Variants in FAM135B observed in about 807,000 individuals in gnomAD.
FAM135B encodes protein FAM135B.
A neutral mutation model predicts 127.7 loss-of-function variants in FAM135B; 43 were observed. The observed-to-expected ratio is 0.34, with a 90% CI of 0.26 to 0.43. The LOEUF is 0.43. Ranked by LOEUF, FAM135B falls within the 20% of genes least tolerant of loss-of-function variation. The pLI, the probability that FAM135B is intolerant of heterozygous loss-of-function variation, is 1.00. For synonymous variants in FAM135B, 670 were observed against 665.1 expected (o/e 1.01, Z -0.11); for missense variants, 1,558 against 1,725.6 (o/e 0.90, Z 1.72).
intron 2 of FAM135B, among the ~76,000 whole-genome samples, chr8:138,347,082 T>C (rs1829468087): frequency 6.7e-6 from 1 of 150,344 alleles, no homozygotes; most frequent in African/African-American, 2.5e-5. Context: ...AAAGGAAGAA[T>C]GAATGGAGGA....
chr8:138,425,547 A>AT (rs11423579), intron 1 of FAM135B: 152,279 of 152,280 alleles, frequency 1, 76,139 homozygotes, highest in Non-Finnish European at 1. Flanking sequence ...TATAGTGGCC[A>AT]TCCAGAATCC....
At chr8:138,244,551 A>G (rs568599478) in intron 6 of FAM135B, among the ~76,000 whole-genome samples, 65 of 152,250 alleles carry the variant, frequency 4.3e-4, no homozygotes, top group Non-Finnish European at 8.5e-4. Flanking sequence ...CAAGGCTTCC[A>G]TCAATGCTAG....
At chr8:138,417,405 T>C (rs865943064) in intron 1 of FAM135B, among the ~76,000 whole-genome samples, 1 of 152,270 alleles carries the variant, frequency 6.6e-6, no homozygotes, top group East Asian at 1.9e-4. Context: ...CCTCTCCCCA[T>C]GCTGCTTTTT....
At chr8:138,438,774 G>A (rs958679254) in intron 1 of FAM135B, 2 of 152,222 alleles carry the variant, frequency 1.3e-5, no homozygotes, top group Non-Finnish European at 2.9e-5. Context: ...GCCTGGCACA[G>A]TAGTCCCAAC....
intron 2 of FAM135B, among the ~76,000 whole-genome samples, chr8:138,316,924 G>A (rs1412600837): frequency 6.6e-6 from 1 of 151,498 alleles, no homozygotes; most frequent in Admixed American, 6.6e-5. Context: ...AGCTTGCAGT[G>A]AGCCGTGACC....
chr8:138,151,605 C>T lies in FAM135B; in HGVS notation c.2870G>A (p.Ser957Asn), dbSNP rs1434095596. ...GTCATCCATAATGCAAGGTGAACCG[C>T]TTTGGCTTTGCTGGCCTGTTGAGTT... Reference protein sequence around the residue: ...NRNSTGQQSQSGSPCIMDDTA... With the variant: ...NRNSTGQQSQNGSPCIMDDTA... The change falls in exon 13 of 20, where the codon AGC becomes AAC. Residue 957 changes from serine (S) to asparagine (N), a missense_variant. Ser to Asn is a conservative substitution (Grantham distance 46). This residue lies in a region of FAM135B where 923 missense variants were observed against 865.3 expected (regional missense o/e 1.07). Transcript: ENST00000395297. 6.2e-7 allele frequency: 1 copy of T among 1,614,168 alleles called. No homozygotes were observed. The highest frequency in any genetic ancestry group is 1.1e-5 in the South Asian group (1 of 91,070).
intron 3 of FAM135B, among the ~76,000 whole-genome samples, chr8:138,268,988 T>G (rs889238736): frequency 1.3e-5 from 2 of 151,736 alleles, no homozygotes; most frequent in Non-Finnish European, 2.9e-5. Flanking sequence ...AAAGGGAATG[T>G]GAAAGAAAAA....
chr8:138,313,268 A>T (rs1442761466), intron 2 of FAM135B, among the ~76,000 whole-genome samples: 2 of 152,092 alleles, frequency 1.3e-5, no homozygotes, highest in Non-Finnish European at 2.9e-5. Context: ...AGTAGCTGGG[A>T]TCACAGGTAC....
At chr8:138,495,630 C>A (rs1209049336) in intron 1 of FAM135B, among the ~76,000 whole-genome samples, 1 of 152,198 alleles carries the variant, frequency 6.6e-6, no homozygotes, top group Admixed American at 6.5e-5. Context: ...CATGCACGAA[C>A]TTTCAGACCC....
At chr8:138,466,465 C>A (rs1412228826) in intron 1 of FAM135B, among the ~76,000 whole-genome samples, 2 of 152,064 alleles carry the variant, frequency 1.3e-5, no homozygotes, top group Non-Finnish European at 2.9e-5. Context: ...GGCAATGTGA[C>A]CAGGTGGGCA....
chr8:138,445,073 G>A (rs1297525195), intron 1 of FAM135B, among the ~76,000 whole-genome samples: 9 of 152,028 alleles, frequency 5.9e-5, no homozygotes, highest in Admixed American at 2.6e-4. Flanking sequence ...TAAATTCCTC[G>A]ACACATACAC....
chr8:138,226,990 C>A (rs1819509254), intron 7 of FAM135B, among the ~76,000 whole-genome samples: 1 of 152,166 alleles, frequency 6.6e-6, no homozygotes, highest in Non-Finnish European at 1.5e-5. Flanking sequence ...AGCCACCACA[C>A]CCAGCCCTAA....
intron 1 of FAM135B, among the ~76,000 whole-genome samples, chr8:138,374,920 GT>G (rs1251132157): frequency 6.6e-6 from 1 of 152,054 alleles, no homozygotes; most frequent in African/African-American, 2.4e-5. Context: ...CACACTCTGG[GT>G]AAACCAGTTT....
chr8:138,399,243 A>G (rs1425028947), intron 1 of FAM135B, among the ~76,000 whole-genome samples: 1 of 152,108 alleles, frequency 6.6e-6, no homozygotes, highest in African/African-American at 2.4e-5. Flanking sequence ...TTTGAACCAT[A>G]TATTATATGA....
intron 3 of FAM135B, among the ~76,000 whole-genome samples, chr8:138,270,100 T>C (rs1823257416): frequency 6.6e-6 from 1 of 152,130 alleles, no homozygotes; most frequent in Admixed American, 6.6e-5. Context: ...GAGCCTTCAA[T>C]GCCAGGGTAG....
At chr8:138,265,942 A>G (rs1253968920) in intron 3 of FAM135B, 100 bp from the exon 4 acceptor site, 5 of 1,273,658 alleles carry the variant, frequency 3.9e-6, no homozygotes, top group Non-Finnish European at 5.3e-6. Flanking sequence ...TAATGGCCCC[A>G]AGCTGCCTTC....
chr8:138,240,325 G>A (rs983211457), intron 7 of FAM135B, among the ~76,000 whole-genome samples: 10 of 152,062 alleles, frequency 6.6e-5, no homozygotes, highest in African/African-American at 2.2e-4. Context: ...AGAGTCTGGT[G>A]GACTGAAATG....
intron 1 of FAM135B, among the ~76,000 whole-genome samples, chr8:138,382,527 G>C (rs565487071): frequency 6.6e-6 from 1 of 152,120 alleles, no homozygotes; most frequent in Non-Finnish European, 1.5e-5. Context: ...GCAAAGTCTG[G>C]CACCAAACTT....
At chr8:138,407,011 A>C (rs142801395) in intron 1 of FAM135B, among the ~76,000 whole-genome samples, 4 of 147,372 alleles carry the variant, frequency 2.7e-5, no homozygotes, top group African/African-American at 7.5e-5. Flanking sequence ...GAAAACCCCA[A>C]TGTCTCAGCC....
Sources: allele counts gnomAD v4.1 joint callset (sites outside exome capture counted in the v4.1 genomes callset), GRCh38; gene constraint gnomAD v4.1.1; regional missense constraint gnomAD v4.1.1; transcripts MANE v1.5; gene names NCBI Gene and HGNC (gene_info 2026-07-23, HGNC 2026-07-21).